The following SPAG17 variants were observed in gnomAD, a reference collection of about 807,000 sequenced individuals.
SPAG17 encodes sperm associated antigen 17.
In SPAG17, 169 loss-of-function variants were observed where a neutral mutation model predicts 273.6. The ratio of observed to expected loss-of-function variants is 0.62; its 90% confidence interval spans 0.55 to 0.70. The LOEUF (loss-of-function observed/expected upper bound fraction) is 0.70. Ranked by LOEUF, SPAG17 falls within the 30% of genes least tolerant of loss-of-function variation. The pLI, the probability that SPAG17 is intolerant of heterozygous loss-of-function variation, is 0.00. For synonymous variants in SPAG17, 825 were observed against 873.2 expected (o/e 0.94, Z 0.97); for missense variants, 2,557 against 2,627.8 (o/e 0.97, Z 0.59).
Position 117,996,618 on chromosome 1 carries a change from G to C in SPAG17, c.4902C>G (p.Ile1634Met). The change falls in exon 33 of 49, where the codon ATC becomes ATG. Residue 1634 changes from isoleucine (I) to methionine (M), a missense_variant. Physicochemically the swap from Ile to Met is conservative, Grantham distance 10. Transcript: ENST00000336338. ...TTTACCTGGGGACATGTTCACCATA[G>C]ATTTGCTGATGATTCTTTTCAAGGT... is the stretch of plus-strand genomic sequence containing the variant. ...SMHLEKNHQQIYGEHVPRFFV... is the reference protein window; with the variant it reads ...SMHLEKNHQQMYGEHVPRFFV... 1 of 1,611,588 alleles carries C rather than the reference G, an allele frequency of 6.2e-7. No homozygotes were observed. Among genetic ancestry groups the C allele is most frequent in the Non-Finnish European group, 8.5e-7 (1 of 1,179,134 alleles).
At chr1:117,966,847 T>C (rs1243595708) in intron 46 of SPAG17, 94 bp from the exon 47 acceptor site, 7 of 1,112,060 alleles carry the variant, frequency 6.3e-6, no homozygotes, top group Non-Finnish European at 8.6e-6. Flanking sequence ...TAAACTCTCT[T>C]ACCTTTGGTT....
Position 117,953,980 on chromosome 1 carries a change from ACTT to A in SPAG17, c.*67_*69del. On this transcript the variant is annotated 3_prime_UTR_variant, in exon 49 of 49. Transcript: ENST00000336338. Reference sequence around the variant, plus strand: ...TGGGATGATGGAGTATGTTGTGATGACTTCTTTCCTTTCTCATCCTCTGTAGGC... The same window carrying A: ...TGGGATGATGGAGTATGTTGTGATGACTTTCCTTTCTCATCCTCTGTAGGC... The A allele has an allele frequency of 6.3e-7, 1 of 1,583,182 alleles. No homozygotes were observed. Among genetic ancestry groups the A allele is most frequent in the Non-Finnish European group, 8.6e-7 (1 of 1,161,060 alleles).
intron 38 of SPAG17, among the ~76,000 whole-genome samples, chr1:117,990,551 T>C (rs994457041): frequency 1.3e-5 from 2 of 152,218 alleles, no homozygotes; most frequent in Non-Finnish European, 2.9e-5. Context: ...GTTGACTGTT[T>C]CCTTCCTATA....
At chr1:118,165,993 G>T (rs1244720430) in intron 1 of SPAG17, among the ~76,000 whole-genome samples, 1 of 152,174 alleles carries the variant, frequency 6.6e-6, no homozygotes, top group Non-Finnish European at 1.5e-5. Flanking sequence ...GAAGACAGAG[G>T]TGGTTGAACT....
At chr1:117,991,555 A>G (rs756366655) in intron 36 of SPAG17, 27 bp from the exon 37 acceptor site, 1 of 1,397,348 alleles carries the variant, frequency 7.2e-7, no homozygotes, top group South Asian at 1.2e-5. Flanking sequence ...AAATACATAG[A>G]CAAAAACTAG....
intron 4 of SPAG17, among the ~76,000 whole-genome samples, chr1:118,102,770 T>C (rs1656147911): frequency 2.0e-5 from 3 of 152,262 alleles, no homozygotes; most frequent in Non-Finnish European, 4.4e-5. Context: ...AAATTAGTTG[T>C]ACTCACTGAA....
intron 1 of SPAG17, among the ~76,000 whole-genome samples, chr1:118,162,526 A>C (rs1659980727): frequency 6.6e-6 from 1 of 152,224 alleles, no homozygotes; most frequent in African/African-American, 2.4e-5. Context: ...TGGGAAGAGA[A>C]ATACACAAAA....
At position 118,157,203 on chromosome 1, in the gene SPAG17, C is replaced by T. The variant is rs139675608; in HGVS notation, c.88-5834G>A. Among the ~76,000 whole-genome samples the T allele has an allele frequency of 2.1e-3, 315 of 152,258 alleles. 6 individuals are homozygous for T. The highest frequency in any genetic ancestry group is 7.3e-3 in the African/African-American group (303 of 41,540). ...ACAGCTGCCATCCCAGGAAGAGCTGCATGTCTAAGACTGACTTAGTTATGA... is the reference window on the plus strand; with the variant it reads ...ACAGCTGCCATCCCAGGAAGAGCTGTATGTCTAAGACTGACTTAGTTATGA... On this transcript the variant is annotated intron_variant, in intron 1 of 48. Coordinates refer to ENST00000336338, the MANE Select transcript of SPAG17 (RefSeq NM_206996.4).
intron 1 of SPAG17, among the ~76,000 whole-genome samples, chr1:118,181,892 G>T (rs1660967615): frequency 1.3e-5 from 2 of 152,098 alleles, no homozygotes; most frequent in Admixed American, 6.5e-5. Context: ...GAGGTGGAAG[G>T]ATTGCTTGAG....
chr1:118,154,560 G>A (rs552683818), intron 1 of SPAG17, among the ~76,000 whole-genome samples: 1 of 151,934 alleles, frequency 6.6e-6, no homozygotes, highest in African/African-American at 2.4e-5. Flanking sequence ...GTATTTCAGG[G>A]TAACCAGAGA....
chr1:117,955,347 G>T, intron 48 of SPAG17: 1 of 1,612,160 alleles, frequency 6.2e-7, no homozygotes. Flanking sequence ...TTTTTAAAGG[G>T]ATCAAGTCGA....
chr1:117,985,928 T>G (rs1260325289), intron 40 of SPAG17, among the ~76,000 whole-genome samples: 1 of 152,158 alleles, frequency 6.6e-6, no homozygotes, highest in African/African-American at 2.4e-5. Flanking sequence ...CAACTGCACA[T>G]GCTAGTCAGC....
At chr1:117,984,884 A>G (rs1003839721) in intron 40 of SPAG17, 102 bp from the exon 41 acceptor site, 2 of 721,714 alleles carry the variant, frequency 2.8e-6, no homozygotes, top group Non-Finnish European at 4.9e-6. Context: ...GAATGCAATC[A>G]CTAACAATAA....
chr1:118,100,861 C>T (rs565159235), intron 5 of SPAG17, among the ~76,000 whole-genome samples: 128 of 152,230 alleles, frequency 8.4e-4, no homozygotes, highest in African/African-American at 2.7e-3. Context: ...GTGTCTCTAT[C>T]CAGGGCAAAA....
chr1:118,085,043 C>T (rs925595828), intron 13 of SPAG17, among the ~76,000 whole-genome samples: 3 of 152,178 alleles, frequency 2.0e-5, no homozygotes, highest in Non-Finnish European at 4.4e-5. Context: ...TCCAGTAGCA[C>T]TGGTTACAAG....
chr1:117,985,622 C>T (rs1047557593), intron 40 of SPAG17, among the ~76,000 whole-genome samples: 1 of 152,116 alleles, frequency 6.6e-6, no homozygotes, highest in African/African-American at 2.4e-5. Flanking sequence ...GGAAAATAAG[C>T]CCCTTTTTAA....
intron 1 of SPAG17, among the ~76,000 whole-genome samples, chr1:118,161,953 G>A (rs1255241555): frequency 1.3e-5 from 2 of 152,186 alleles, no homozygotes; most frequent in Admixed American, 6.5e-5. Context: ...GAAGGTCACT[G>A]CTGACCTTAG....
At chr1:117,954,130 CAATA>C (rs1651813223) in intron 48 of SPAG17, 81 bp from the exon 49 acceptor site, 8 of 1,556,056 alleles carry the variant, frequency 5.1e-6, no homozygotes, top group African/African-American at 1.4e-5. Flanking sequence ...GTTACAGTAT[CAATA>C]AAGGGAATTC....
chr1:117,965,240 G>C (rs190909803), intron 47 of SPAG17: 12 of 152,146 alleles, frequency 7.9e-5, no homozygotes, highest in African/African-American at 2.9e-4. Flanking sequence ...AATTGTGTCC[G>C]TCTTTTCCTT....
Sources: gnomAD v4.1 joint callset for allele counts (sites outside exome capture counted in the v4.1 genomes callset) on GRCh38, gnomAD v4.1.1 for gene constraint, MANE v1.5 for transcripts, NCBI Gene and HGNC (gene_info 2026-07-23, HGNC 2026-07-21) for gene names.